Variants in UNC13A observed in about 807,000 individuals in gnomAD.
The protein encoded by UNC13A is unc-13 homolog A.
In UNC13A, 61 loss-of-function variants were observed where a neutral mutation model predicts 219.7. The observed-to-expected ratio is 0.28, with a 90% confidence interval of 0.23 to 0.34. The LOEUF (loss-of-function observed/expected upper bound fraction) is 0.34, where lower values mean the gene tolerates loss of function less well. Among genes scored for constraint, UNC13A ranks in the 10% least tolerant of loss-of-function variants. UNC13A has a pLI of 1.00. For synonymous variants in UNC13A, 920 were observed against 884.6 expected (o/e 1.04, Z -0.71); for missense variants, 1,476 against 2,270.3 (o/e 0.65, Z 7.11).
chr19:17,680,237 C>G (rs965276646), intron 1 of UNC13A, among the ~76,000 whole-genome samples: 1 of 152,140 alleles, frequency 6.6e-6, no homozygotes, highest in Non-Finnish European at 1.5e-5. Flanking sequence ...CTTCCCCGGT[C>G]AGTAAATGGT....
At position 17,636,079 on chromosome 19, in the gene UNC13A, G is replaced by T; in HGVS notation, c.3160C>A (p.Leu1054Ile). The stretch of plus-strand genomic sequence containing the variant: ...TCTTCCTCAATGATGGACACTATGA[G>T]GGTAATCAGCTTGGACCAGAAGTCG... ...NLDFWSKLIT[L>I]IVSIIEEDKN... is the part of the protein sequence containing the mutation. Residue 1054 changes from leucine (L) to isoleucine (I), a missense_variant, in exon 26 of 44, where the codon CTC (leucine) becomes ATC (isoleucine). This residue lies in a region of UNC13A where 218 missense variants were observed against 409.4 expected (regional missense o/e 0.53). Coordinates refer to ENST00000519716, the MANE Select transcript of UNC13A (RefSeq NM_001080421.3). 1 of 1,612,562 alleles carries T rather than the reference G, an allele frequency of 6.2e-7. No individual in the cohort carries two copies.
rs2145913832 is a variant in UNC13A at position 17,674,521 on chromosome 19, G to A, written c.152+136C>T. ...GGGGATGTGTTTTGGAGGTGAAGGT[G>A]ATAAGGTGGACAGGGGAAGAGGGAG... is the stretch of plus-strand genomic sequence containing the variant. On this transcript the variant is annotated intron_variant, in intron 3 of 43. Transcript: ENST00000519716. The surrounding 1 kb of genome is among the most constrained non-coding windows in gnomAD (Gnocchi z 5.0). The A allele has an allele frequency of 1.4e-6, 1 of 698,344 alleles. No individual in the cohort carries two copies. Among genetic ancestry groups the A allele is most frequent in the East Asian group, 2.7e-5 (1 of 37,142 alleles). The allele number at this position is 698,344 out of a possible 1,614,324, so 43.3% of individuals were successfully genotyped here.
intron 1 of UNC13A, among the ~76,000 whole-genome samples, chr19:17,680,363 C>T (rs950352616): frequency 1.3e-5 from 2 of 152,124 alleles, no homozygotes; most frequent in Admixed American, 1.3e-4. Context: ...TCGGGTCACA[C>T]GCATGAGGCT....
intron 35 of UNC13A, among the ~76,000 whole-genome samples, chr19:17,623,944 G>A (rs2089455885): frequency 1.3e-5 from 2 of 152,012 alleles, no homozygotes; most frequent in Admixed American, 1.3e-4. Context: ...GTCTCTGGAT[G>A]GCCAATGATC....
intron 29 of UNC13A, 116 bp from the exon 30 acceptor site, chr19:17,630,404 G>T: frequency 6.8e-7 from 1 of 1,470,608 alleles, no homozygotes; most frequent in Non-Finnish European, 9.1e-7. Context: ...GGGGTGAGAT[G>T]GACAGAGGGC....
intron 1 of UNC13A, among the ~76,000 whole-genome samples, chr19:17,677,740 T>A (rs750916839): frequency 1.3e-5 from 2 of 152,150 alleles, no homozygotes; most frequent in African/African-American, 4.8e-5. Flanking sequence ...AGGCAATGCA[T>A]GCACATGTTG....
At chr19:17,664,567 C>A (rs1397182092) in intron 7 of UNC13A, among the ~76,000 whole-genome samples, 4 of 152,150 alleles carry the variant, frequency 2.6e-5, no homozygotes, top group Non-Finnish European at 5.9e-5. Flanking sequence ...CCAAAATGAA[C>A]CTGCCCCTAG....
At chr19:17,617,871 G>A in intron 40 of UNC13A, 22 bp from the exon 41 acceptor site, 1 of 1,613,308 alleles carries the variant, frequency 6.2e-7, no homozygotes, top group Non-Finnish European at 8.5e-7. Context: ...AGGGTGGGGA[G>A]AGGTGAGGAT....
At chr19:17,612,340 CT>C (rs1297745314) in intron 41 of UNC13A, among the ~76,000 whole-genome samples, 1 of 152,130 alleles carries the variant, frequency 6.6e-6, no homozygotes, top group Non-Finnish European at 1.5e-5. Flanking sequence ...TGACACTCTT[CT>C]TTGTCTTCAC....
At chr19:17,626,259 T>C (rs1241119127) in intron 34 of UNC13A, 1 of 179,976 alleles carries the variant, frequency 5.6e-6, no homozygotes, top group Non-Finnish European at 1.2e-5. Context: ...AATCCATCTA[T>C]GCATCAAAAC....
Position 17,605,991 on chromosome 19 carries a change from C to T in UNC13A, c.*63G>A. 2 of 1,364,556 alleles carry T rather than the reference C, an allele frequency of 1.5e-6. No homozygotes were observed. Among genetic ancestry groups the T allele is most frequent in the Non-Finnish European group, 1.9e-6 (2 of 1,058,568 alleles). 84.5% of individuals were successfully genotyped at this position (1,364,556 alleles called of 1,614,324 possible). A position where few individuals can be genotyped will look rare whatever the true frequency, so the allele number is the denominator to read the frequency against. On this transcript the variant is annotated 3_prime_UTR_variant, in exon 44 of 44. Transcript: ENST00000519716. ...TGGGGAGGTCCCACCAAGGCGCAAG[C>T]CCCGTCCCTCCCCGCCCAGCGCCCT...
At chr19:17,676,589 G>A (rs114066660) in intron 1 of UNC13A, among the ~76,000 whole-genome samples, 2,136 of 152,266 alleles carry the variant, frequency 0.014, 35 homozygotes, top group African/African-American at 0.037. Context: ...CACCAGCCCC[G>A]ACAGGTCAGC....
At chr19:17,679,504 TGGG>T (rs931705447) in intron 1 of UNC13A, among the ~76,000 whole-genome samples, 3 of 118,952 alleles carry the variant, frequency 2.5e-5, no homozygotes, top group African/African-American at 1.0e-4. Context: ...GAGAGGCAGT[TGGG>T]GGAGAAAAGT....
intron 2 of UNC13A, 98 bp downstream of exon 2, chr19:17,675,914 C>A (rs1164472327): frequency 1.4e-6 from 2 of 1,447,004 alleles, no homozygotes; most frequent in East Asian, 2.5e-5. Flanking sequence ...GACATAAAGC[C>A]CAACTCTAAG....
At chr19:17,629,952 C>G (rs1046547266) in intron 30 of UNC13A, among the ~76,000 whole-genome samples, 193 bp downstream of exon 30, 1 of 151,444 alleles carries the variant, frequency 6.6e-6, no homozygotes, top group East Asian at 1.9e-4. Context: ...AACCTCAACT[C>G]CAACCTCATC....
At position 17,627,674 on chromosome 19, in the gene UNC13A, G is replaced by A. The variant is rs1430951105; in HGVS notation, c.3832-77C>T. 5.9e-6 allele frequency: 8 copies of A among 1,365,200 alleles called. No individual in the cohort carries two copies. Among genetic ancestry groups the A allele is most frequent in the Non-Finnish European group, 6.1e-6 (6 of 978,916 alleles). 84.6% of individuals were successfully genotyped at this position (1,365,200 alleles called of 1,614,324 possible). A position where few individuals can be genotyped will look rare whatever the true frequency, so the allele number is the denominator to read the frequency against. ...CTGGGCATTTTCTCATCTGACCCAG[G>A]GAAAGGGATCCCAAGGGGCTGCAGG... On this transcript the variant is annotated intron_variant, in intron 32 of 43. Coordinates refer to ENST00000519716, the MANE Select transcript of UNC13A (RefSeq NM_001080421.3). The surrounding 1 kb of genome is among the most constrained non-coding windows in gnomAD (Gnocchi z 4.7).
At chr19:17,683,785 T>C (rs983996094) in intron 1 of UNC13A, among the ~76,000 whole-genome samples, 1 of 152,052 alleles carries the variant, frequency 6.6e-6, no homozygotes, top group African/African-American at 2.4e-5. Context: ...TCATAACATG[T>C]TTATAGAGCC....
At chr19:17,609,774 TC>T (rs2076581811) in intron 43 of UNC13A, among the ~76,000 whole-genome samples, 165 bp downstream of exon 43, 1 of 152,134 alleles carries the variant, frequency 6.6e-6, no homozygotes, top group African/African-American at 2.4e-5. Context: ...CTGATGTCAT[TC>T]CTGCACTACT....
At chr19:17,670,907 GTAAAATAAAATAAAA>G (rs58942725) in intron 4 of UNC13A, among the ~76,000 whole-genome samples, 31,513 of 128,412 alleles carry the variant, frequency 0.25, 3,896 homozygotes, top group Non-Finnish European at 0.27. Context: ...CCATCTCACA[GTAAAATAAAATAAAA>G]TAAAATAAAA....
Sources: gnomAD v4.1 joint callset for allele counts (sites outside exome capture counted in the v4.1 genomes callset) on GRCh38, gnomAD v4.1.1 for gene constraint, gnomAD v4.1.1 regional missense constraint, Gnocchi (gnomAD v3.1) non-coding constraint, MANE v1.5 for transcripts, NCBI Gene and HGNC (gene_info 2026-07-23, HGNC 2026-07-21) for gene names.